The following CCHCR1 variants were observed in gnomAD, a reference collection of about 807,000 sequenced individuals.
The protein encoded by CCHCR1 is coiled-coil alpha-helical rod protein 1.
CCHCR1 carries 91 observed loss-of-function variants against 114.6 expected under a neutral mutation model. The observed-to-expected ratio is 0.79, with a 90% CI of 0.67 to 0.94. CCHCR1 has a LOEUF of 0.94. Among genes scored for constraint, CCHCR1 ranks in the 40% least tolerant of loss-of-function variants. The pLI is 0.00. For synonymous variants in CCHCR1, 379 were observed against 428.5 expected, an observed-to-expected ratio of 0.88 and a Z score of 1.43; for missense variants, 899 against 1,079.9, an observed-to-expected ratio of 0.83 and a Z score of 2.35.
In CCHCR1 at chr6:31,150,971, C is replaced by G; in HGVS notation, c.953G>C (p.Arg318Pro). Residue 318 changes from arginine to proline, a missense_variant, in exon 5 of 18, where the codon CGG (arginine) becomes CCG (proline). Transcript: ENST00000396268. The surrounding 1 kb of genome is among the most constrained non-coding windows in gnomAD (Gnocchi z 5.3). ...TCCGCCCACCTACCTCAGCTGCTTC[C>G]GAAGCAGCTCGGCCTCCCTCTGAGC... Reference protein sequence around the residue: ...AEAQREAELLRKQLSKTQEDL... With the variant: ...AEAQREAELLPKQLSKTQEDL... 4 of 1,612,752 alleles carry G rather than the reference C, an allele frequency of 2.5e-6. No individual in the cohort carries two copies. The highest frequency in any genetic ancestry group is 3.4e-6 in the Non-Finnish European group (4 of 1,179,950).
At chr6:31,153,604 G>C (rs112785163) in intron 4 of CCHCR1, among the ~76,000 whole-genome samples, 12,880 of 151,916 alleles carry the variant, frequency 0.085, 659 homozygotes, top group Middle Eastern at 0.16. Context: ...TTTTGAGACA[G>C]AGTCTTGCTC....
In CCHCR1 at chr6:31,145,010, G is replaced by A; in HGVS notation, c.1940C>T (p.Thr647Ile). The A allele has an allele frequency of 6.2e-7, 1 of 1,605,998 alleles. No individual in the cohort carries two copies. Among genetic ancestry groups the A allele is most frequent in the Non-Finnish European group, 8.5e-7 (1 of 1,179,594 alleles). ...CCCCAAGCTAGCCAGGGACTCCTGGGTCTGCTGCAGCTCCTGCTCCAGCTG... is the reference window on the plus strand; with the variant it reads ...CCCCAAGCTAGCCAGGGACTCCTGGATCTGCTGCAGCTCCTGCTCCAGCTG... ...AQQLEQELQQ[T>I]QESLASLGLQ... is the part of the protein sequence containing the mutation. The change falls in exon 14 of 18, where the codon ACC becomes ATC. Residue 647 changes from threonine (T) to isoleucine (I), a missense_variant. Transcript: ENST00000396268.
rs1265085 is a variant in CCHCR1, at chr6:31,142,894, G to A, written c.2491+69C>T. 270 of 1,539,868 alleles carry A rather than the reference G, an allele frequency of 1.8e-4. 2 individuals carry two copies. The East Asian group carries it at 5.9e-3, about 34-fold the overall frequency. ...CCGCAGAGAACAACACTCATCATGC[G>A]AGAGTCTGAAGAGGAGATTCCTGAA... is the stretch of plus-strand genomic sequence containing the variant. On this transcript the variant is annotated intron_variant, in intron 17 of 17. Coordinates refer to ENST00000396268, the MANE Select transcript of CCHCR1 (RefSeq NM_001105564.2).
chr6:31,147,945 T>C (rs1286740949), intron 10 of CCHCR1, among the ~76,000 whole-genome samples: 2 of 152,072 alleles, frequency 1.3e-5, no homozygotes, highest in African/African-American at 4.8e-5. Context: ...GCCATTGCAC[T>C]CCAGCCTGGG....
At position 31,142,639 on chromosome 6, in the gene CCHCR1, C is replaced by G; in HGVS notation, c.2569G>C (p.Asp857His). The G allele has an allele frequency of 6.2e-7, 1 of 1,613,284 alleles. No homozygotes were observed. Among genetic ancestry groups the G allele is most frequent in the Non-Finnish European group, 8.5e-7 (1 of 1,179,678 alleles). The change falls in exon 18 of 18, where the codon GAC (aspartate) becomes CAC (histidine). Residue 857 changes from aspartate (D) to histidine (H), a missense_variant. Physicochemically the swap from Asp to His is moderately conservative, Grantham distance 81. Transcript: ENST00000396268. ...GAGCTGGAGCATCTGTCAAGGTTGT[C>G]TCCTTGACAAACAGCTTCCTCTTTG... The part of the protein sequence containing the change: ...ISKEEAVCQG[D>H]NLDRCSSSNP...
In CCHCR1 at chr6:31,144,483, C is replaced by T. The variant is rs528494790; in HGVS notation, c.2167+204G>A. 3.8e-6 allele frequency: 2 copies of T among 521,074 alleles called. No individual in the cohort carries two copies. The highest frequency in any genetic ancestry group is 3.2e-5 in the South Asian group (1 of 31,082). 32.3% of individuals were successfully genotyped at this position (521,074 alleles called of 1,614,324 possible). ...GTGCTTGGATTACAGGCATAAGCCA[C>T]CGCGACCGGCCATATGCTGTTTCTT... On this transcript the variant is annotated intron_variant, in intron 15 of 17. Coordinates refer to ENST00000396268, the MANE Select transcript of CCHCR1 (RefSeq NM_001105564.2). The surrounding 1 kb of genome is among the most constrained non-coding windows in gnomAD (Gnocchi z 4.6).
chr6:31,145,165 C>T lies in CCHCR1; in HGVS notation c.1876+1G>A. The stretch of plus-strand genomic sequence containing the variant: ...CTCCACCCCCTGGCAACCAGGTGTA[C>T]CTTGCTCCCGAGCCCGGCCCACCTC... On this transcript the variant is annotated splice_donor_variant, in intron 13 of 17. Transcript: ENST00000396268. LOFTEE classifies it high-confidence loss of function. 6.2e-7 allele frequency: 1 copy of T among 1,612,298 alleles called. No individual in the cohort carries two copies. Among genetic ancestry groups the T allele is most frequent in the African/African-American group, 1.3e-5 (1 of 75,036 alleles).
rs145955068 is a variant in CCHCR1 at position 31,157,059 on chromosome 6, C to G, written c.247G>C (p.Glu83Gln). ...AACATCTCCACATTATTTGAAGGCT[C>G]TAGATTCTGTCTCCAGCCATCTATG... ...GNIDGWRQNL[E>Q]PSNNVEMFPP... The change falls in exon 2 of 18, where the codon GAG (glutamate) becomes CAG (glutamine). Residue 83 changes from glutamate to glutamine, a missense_variant. Physicochemically the swap from Glu to Gln is conservative, Grantham distance 29. Coordinates refer to ENST00000396268, the MANE Select transcript of CCHCR1 (RefSeq NM_001105564.2). The G allele has an allele frequency of 5.5e-4, 892 of 1,612,294 alleles. 3 individuals carry two copies. The highest frequency in any genetic ancestry group is 2.8e-3 in the South Asian group (253 of 90,974).
chr6:31,150,632 C>A lies in CCHCR1; in HGVS notation c.1102-67G>T. On this transcript the variant is annotated intron_variant, in intron 6 of 17. Coordinates refer to ENST00000396268, the MANE Select transcript of CCHCR1 (RefSeq NM_001105564.2). This position sits in a 1 kb window ranked among gnomAD's most constrained non-coding sequence, Gnocchi z 5.3. ...CCGCCTTAGGTACCACCTTCTCTCCCGGAGGCTGTGCTCTACACGCTCCTC... is the reference window on the plus strand; with the variant it reads ...CCGCCTTAGGTACCACCTTCTCTCCAGGAGGCTGTGCTCTACACGCTCCTC... 1 of 1,588,908 alleles carries A rather than the reference C, an allele frequency of 6.3e-7. No homozygotes were observed. Among genetic ancestry groups the A allele is most frequent in the South Asian group, 1.1e-5 (1 of 88,578 alleles).
At position 31,157,463 on chromosome 6, in the gene CCHCR1, G is replaced by C. The variant is rs544768174; in HGVS notation, c.138C>G (p.Arg46=). ...GAGGTACACAGTGCAGGGGTCTTGA[G>C]CGCCATCTCCAGAGTTCTCTCCATG... is the stretch of plus-strand genomic sequence containing the variant. The part of the protein sequence containing the change: ...AEPWRELWRW[R]SRPLHCVPPF... Residue 46 remains arginine (R), a synonymous_variant, in exon 1 of 18, where the codon CGC becomes CGG. Transcript: ENST00000396268. 6.2e-7 allele frequency: 1 copy of C among 1,613,062 alleles called. No individual in the cohort carries two copies. The highest frequency in any genetic ancestry group is 2.2e-5 in the East Asian group (1 of 44,884).
In CCHCR1 at chr6:31,157,640, C is replaced by T. The variant is rs1399689726; in HGVS notation, c.-40G>A. On this transcript the variant is annotated 5_prime_UTR_variant, in exon 1 of 18. Coordinates refer to ENST00000396268, the MANE Select transcript of CCHCR1 (RefSeq NM_001105564.2). ...TCCCCAAGACCTTGGGAATCCAGGC[C>T]GCCTAGATCCCCAGGCAGAAAAGCC... The T allele has an allele frequency of 2.6e-6, 4 of 1,519,296 alleles. No homozygotes were observed. The highest frequency in any genetic ancestry group is 2.3e-5 in the South Asian group (2 of 85,848). 94.1% of individuals were successfully genotyped at this position (1,519,296 alleles called of 1,614,324 possible). A position where few individuals can be genotyped will look rare whatever the true frequency, so the allele number is the denominator to read the frequency against.
chr6:31,153,579 CTTT>C (rs71936392), intron 4 of CCHCR1, among the ~76,000 whole-genome samples: 1 of 144,314 alleles, frequency 6.9e-6, no homozygotes, highest in Non-Finnish European at 1.6e-5. Flanking sequence ...CTCCCAGTTC[CTTT>C]TTTATTTTAT....
At chr6:31,149,992 T>G in intron 8 of CCHCR1, 74 bp downstream of exon 8, 1 of 1,547,118 alleles carries the variant, frequency 6.5e-7, no homozygotes, top group Non-Finnish European at 8.9e-7. Flanking sequence ...TAAACACTGG[T>G]TGAATGGATG....
chr6:31,155,145 CTTAT>C (rs906445406), intron 3 of CCHCR1, among the ~76,000 whole-genome samples: 5 of 151,848 alleles, frequency 3.3e-5, no homozygotes, highest in African/African-American at 7.3e-5. Flanking sequence ...GTTTTTTTGT[CTTAT>C]TTATTTTTTT....
At position 31,150,801 on chromosome 6, in the gene CCHCR1, A is replaced by T. The variant is rs762505904; in HGVS notation, c.1025T>A (p.Val342Asp). ...GACCTCAGAAGGCACTTGTTCCCCAACATATTTTCTTAGATTCTCAACCAG... is the reference window on the plus strand; with the variant it reads ...GACCTCAGAAGGCACTTGTTCCCCATCATATTTTCTTAGATTCTCAACCAG... ...VTLVENLRKYVGEQVPSEVHS... is the reference protein window; with the variant it reads ...VTLVENLRKYDGEQVPSEVHS... Residue 342 changes from valine (V) to aspartate (D), a missense_variant, in exon 6 of 18, where the codon GTT (valine) becomes GAT (aspartate). Physicochemically the swap from Val to Asp is radical, Grantham distance 152. Coordinates refer to ENST00000396268, the MANE Select transcript of CCHCR1 (RefSeq NM_001105564.2). The surrounding 1 kb of genome is among the most constrained non-coding windows in gnomAD (Gnocchi z 5.3). 1 of 1,613,040 alleles carries T rather than the reference A, an allele frequency of 6.2e-7. No individual in the cohort carries two copies. The highest frequency in any genetic ancestry group is 8.5e-7 in the Non-Finnish European group (1 of 1,180,022).
rs1247898629 is a variant in CCHCR1 at position 31,148,726 on chromosome 6, C to T, written c.1365G>A (p.Val455=). 3.1e-6 allele frequency: 5 copies of T among 1,599,262 alleles called. No homozygotes were observed. The highest frequency in any genetic ancestry group is 4.3e-6 in the Non-Finnish European group (5 of 1,167,746). Residue 455 remains valine (V), a splice_region_variant and synonymous_variant, in exon 9 of 18, where the codon GTG becomes GTA. Coordinates refer to ENST00000396268, the MANE Select transcript of CCHCR1 (RefSeq NM_001105564.2). ...SDSVKQLKGQ[V]ASLQEKVTSQ... is the part of the protein sequence containing the mutation. ...ATGTCACTTTTTCCTGGAGTGAGGCCACCTGGGGGAGGAGAGAGAGCTAGG... is the reference window on the plus strand; with the variant it reads ...ATGTCACTTTTTCCTGGAGTGAGGCTACCTGGGGGAGGAGAGAGAGCTAGG...
At chr6:31,156,516 C>T (rs1329760348) in intron 3 of CCHCR1, 2 of 543,820 alleles carry the variant, frequency 3.7e-6, no homozygotes, top group Non-Finnish European at 3.2e-6. Flanking sequence ...TTATTAATTA[C>T]AAATTTAAGT....
chr6:31,148,760 T>A, intron 8 of CCHCR1, 32 bp from the exon 9 acceptor site: 1 of 1,335,206 alleles, frequency 7.5e-7, no homozygotes, highest in Non-Finnish European at 1.1e-6. Flanking sequence ...GGCAGGGCCC[T>A]CTAGAGCTAA....
At chr6:31,145,584 G>A in intron 11 of CCHCR1, 91 bp from the exon 12 acceptor site, 2 of 1,450,774 alleles carry the variant, frequency 1.4e-6, no homozygotes, top group Non-Finnish European at 1.9e-6. Flanking sequence ...TGCAAGGACT[G>A]GTGAAAGGAG....
Sources: allele counts gnomAD v4.1 joint callset (sites outside exome capture counted in the v4.1 genomes callset), GRCh38; gene constraint gnomAD v4.1.1; non-coding constraint Gnocchi (gnomAD v3.1); transcripts MANE v1.5; gene names NCBI Gene and HGNC (gene_info 2026-07-23, HGNC 2026-07-21).